SLC35F1: variants seen among roughly 807,000 people sequenced by gnomAD.
The protein encoded by SLC35F1 is solute carrier family 35 member F1, also known as chromosome 6 open reading frame 169.
A neutral mutation model predicts 48.7 loss-of-function variants in SLC35F1; 14 were observed. That is an observed-to-expected ratio of 0.29 (90% CI 0.19 to 0.45). The LOEUF (loss-of-function observed/expected upper bound fraction) is 0.45. Ranked by LOEUF, SLC35F1 falls within the 20% of genes least tolerant of loss-of-function variation. SLC35F1 has a pLI of 1.00. For missense variants in SLC35F1, 404 were observed against 500.0 expected, an observed-to-expected ratio of 0.81 and a Z score of 1.83; for synonymous variants, 190 against 202.2, an observed-to-expected ratio of 0.94 and a Z score of 0.51.
chr6:118,076,791 C>G (rs189722810), intron 1 of SLC35F1, among the ~76,000 whole-genome samples: 1 of 152,278 alleles, frequency 6.6e-6, no homozygotes, highest in African/African-American at 2.4e-5. Flanking sequence ...TGATTCCATA[C>G]AATTATATAT....
intron 1 of SLC35F1, among the ~76,000 whole-genome samples, chr6:118,138,890 C>T (rs1026105265): frequency 5.3e-5 from 8 of 151,852 alleles, no homozygotes; most frequent in African/African-American, 1.7e-4. Context: ...ACGCGTGCAC[C>T]GGTGAGATAG....
chr6:118,263,088 A>G (rs1354334706), intron 3 of SLC35F1, among the ~76,000 whole-genome samples: 1 of 151,914 alleles, frequency 6.6e-6, no homozygotes. Context: ...ACAGAATCTC[A>G]CTCTGTTGCC....
intron 1 of SLC35F1, among the ~76,000 whole-genome samples, chr6:118,069,492 C>T (rs189289286): frequency 1.4e-4 from 22 of 151,960 alleles, no homozygotes; most frequent in Admixed American, 5.9e-4. Context: ...AGATCAGGCC[C>T]CTAAAGATAA....
At chr6:118,237,817 A>G (rs1775385102) in intron 3 of SLC35F1, among the ~76,000 whole-genome samples, 1 of 152,256 alleles carries the variant, frequency 6.6e-6, no homozygotes, top group African/African-American at 2.4e-5. Flanking sequence ...TGCTGTGTGC[A>G]AATGAAATGA....
intron 1 of SLC35F1, among the ~76,000 whole-genome samples, chr6:118,134,076 GA>G (rs1773757075): frequency 6.6e-6 from 1 of 152,152 alleles, no homozygotes; most frequent in South Asian, 2.1e-4. Context: ...ACTCAGTTTT[GA>G]AAGTTTGAAT....
At position 118,012,322 on chromosome 6, in the gene SLC35F1, T is replaced by TG. The variant is rs68094027; in HGVS notation, c.173+104427dup. ...GGAAACAGCATGCAGGGACAATAAA[T>TG]GGGGAAAAAAAAAAAAAAGAAAAAC... On this transcript the variant is annotated intron_variant, in intron 1 of 7. Transcript: ENST00000360388. Among the ~76,000 whole-genome samples, 802 of 115,850 alleles carry TG rather than the reference T, an allele frequency of 6.9e-3. 8 individuals carry two copies. Among genetic ancestry groups the TG allele is most frequent in the African/African-American group, 0.024 (730 of 30,396 alleles). The allele number at this position is 115,850 out of a possible 152,430, so 76.0% of individuals were successfully genotyped here.
chr6:118,053,019 G>A (rs1772413101), intron 1 of SLC35F1, among the ~76,000 whole-genome samples: 1 of 151,626 alleles, frequency 6.6e-6, no homozygotes, highest in African/African-American at 2.4e-5. Context: ...TTGATGAGGT[G>A]TTCCAGGTTG....
intron 2 of SLC35F1, among the ~76,000 whole-genome samples, chr6:118,223,838 C>A (rs1316477615): frequency 2.6e-5 from 4 of 152,202 alleles, no homozygotes; most frequent in Admixed American, 2.6e-4. Flanking sequence ...CTGGCACCTT[C>A]TGTCATGTTG....
intron 1 of SLC35F1, among the ~76,000 whole-genome samples, chr6:118,083,193 C>A (rs1772937850): frequency 6.6e-6 from 1 of 152,094 alleles, no homozygotes; most frequent in African/African-American, 2.4e-5. Flanking sequence ...TCTAATGGCC[C>A]ATTGGGAAGG....
intron 1 of SLC35F1, among the ~76,000 whole-genome samples, chr6:117,986,406 C>T (rs998922392): frequency 1.3e-5 from 2 of 152,106 alleles, no homozygotes; most frequent in African/African-American, 4.8e-5. Context: ...ATGCAGGGGC[C>T]GCTTATTAAT....
chr6:118,236,418 A>T (rs990013869), intron 3 of SLC35F1, among the ~76,000 whole-genome samples: 1 of 152,240 alleles, frequency 6.6e-6, no homozygotes, highest in Non-Finnish European at 1.5e-5. Flanking sequence ...AGGATAAAAC[A>T]CAAAACAAAA....
chr6:118,293,408 C>T (rs560875477), intron 7 of SLC35F1, among the ~76,000 whole-genome samples: 7 of 152,262 alleles, frequency 4.6e-5, no homozygotes, highest in Non-Finnish European at 1.0e-4. Flanking sequence ...AGAATGGCAT[C>T]TTCAAATCAG....
chr6:117,966,043 C>G (rs1252574504), intron 1 of SLC35F1, among the ~76,000 whole-genome samples: 1 of 150,968 alleles, frequency 6.6e-6, no homozygotes, highest in Non-Finnish European at 1.5e-5. Context: ...AATCAGCACT[C>G]TGTAAAACCG....
At chr6:118,219,874 T>C (rs988968945) in intron 2 of SLC35F1, among the ~76,000 whole-genome samples, 1 of 152,136 alleles carries the variant, frequency 6.6e-6, no homozygotes, top group Non-Finnish European at 1.5e-5. Context: ...TGTAGGGACA[T>C]GGATGGAGCT....
intron 4 of SLC35F1, among the ~76,000 whole-genome samples, chr6:118,273,935 G>A (rs1240121008): frequency 6.6e-6 from 1 of 152,184 alleles, no homozygotes; most frequent in Non-Finnish European, 1.5e-5. Flanking sequence ...TAGAAAAAGT[G>A]GCACCATTTA....
chr6:118,040,129 C>G (rs1314993864), intron 1 of SLC35F1, among the ~76,000 whole-genome samples: 1 of 152,252 alleles, frequency 6.6e-6, no homozygotes, highest in African/African-American at 2.4e-5. Context: ...ATGTTTCCTT[C>G]TCTGTCTCTT....
Position 117,929,824 on chromosome 6 carries a change from T to C in SLC35F1, c.173+21925T>C, listed in dbSNP as rs373543193. On this transcript the variant is annotated intron_variant, in intron 1 of 7. Transcript: ENST00000360388. ...TATTTGACTGAACAGCTGGGAACCA[T>C]AGCTTAGCCAAGCTGACACATAAAA... Among the ~76,000 whole-genome samples the C allele has an allele frequency of 2.4e-4, 37 of 152,306 alleles. 1 individual carries two copies. The South Asian group carries it at 7.3e-3, about 30-fold the overall frequency.
intron 1 of SLC35F1, among the ~76,000 whole-genome samples, chr6:118,010,378 A>G (rs1188649191): frequency 6.6e-6 from 1 of 152,186 alleles, no homozygotes; most frequent in African/African-American, 2.4e-5. Context: ...AATGCACTGC[A>G]AGGATTAATT....
chr6:118,290,220 A>C (rs1200090374), intron 7 of SLC35F1, among the ~76,000 whole-genome samples: 1 of 151,346 alleles, frequency 6.6e-6, no homozygotes, highest in African/African-American at 2.4e-5. Flanking sequence ...TTTTTTTTTC[A>C]AAATAATTTA....
Sources: allele counts gnomAD v4.1 joint callset (sites outside exome capture counted in the v4.1 genomes callset), GRCh38; gene constraint gnomAD v4.1.1; transcripts MANE v1.5; gene names NCBI Gene and HGNC (gene_info 2026-07-23, HGNC 2026-07-21).